Variants in MAP4K3 observed in about 807,000 individuals in gnomAD.
MAP4K3 encodes MAPK/ERK kinase kinase kinase 3.
A neutral mutation model predicts 143.5 loss-of-function variants in MAP4K3; 94 were observed. The observed-to-expected ratio is 0.65, with a 90% CI of 0.55 to 0.78. The LOEUF (loss-of-function observed/expected upper bound fraction) is 0.78. Ranked by LOEUF, MAP4K3 falls within the 30% of genes least tolerant of loss-of-function variation. The pLI is 0.00. For synonymous variants in MAP4K3, 416 were observed against 347.2 expected, an observed-to-expected ratio of 1.20 and a Z score of -2.20; for missense variants, 1,077 against 1,068.1, an observed-to-expected ratio of 1.01 and a Z score of -0.12.
intron 1 of MAP4K3, among the ~76,000 whole-genome samples, chr2:39,433,469 A>G (rs1311566395): frequency 1.3e-5 from 2 of 152,218 alleles, no homozygotes; most frequent in African/African-American, 4.8e-5. Context: ...ACTGCCTGAC[A>G]AAAGATGGCA....
Position 39,272,369 on chromosome 2 carries a change from T to G in MAP4K3, c.1887A>C (p.Leu629Phe), listed in dbSNP as rs1490121712. ...GTCTTGCATAATCAAAAAGCCCTGG[T>G]AAATTATGGGAATAAAGCTGAGAAG... ...GKASQLYSHN[L>F]PGLFDYARQM... Residue 629 changes from leucine to phenylalanine, a missense_variant, in exon 26 of 34, where the codon TTA becomes TTC. This residue lies in a region of MAP4K3 where 864 missense variants were observed against 801.2 expected (regional missense o/e 1.08). Transcript: ENST00000263881. 2 of 1,613,648 alleles carry G rather than the reference T, an allele frequency of 1.2e-6. No individual in the cohort carries two copies. The highest frequency in any genetic ancestry group is 1.7e-5 in the Admixed American group (1 of 59,992).
At chr2:39,314,722 G>T (rs995896721) in intron 13 of MAP4K3, among the ~76,000 whole-genome samples, 2 of 152,196 alleles carry the variant, frequency 1.3e-5, no homozygotes, top group African/African-American at 4.8e-5. Context: ...TGAATGAATG[G>T]CTTGTCTTAG....
chr2:39,321,393 G>T (rs1352261371), intron 12 of MAP4K3, among the ~76,000 whole-genome samples: 1 of 152,234 alleles, frequency 6.6e-6, no homozygotes, highest in Non-Finnish European at 1.5e-5. Context: ...CTTGAAGGCA[G>T]CATGCTCCTT....
At chr2:39,340,029 A>C (rs1285268553) in intron 4 of MAP4K3, among the ~76,000 whole-genome samples, 1 of 149,260 alleles carries the variant, frequency 6.7e-6, no homozygotes, top group Non-Finnish European at 1.5e-5. Flanking sequence ...AAAATAGAAA[A>C]AAATCCTATT....
At chr2:39,311,727 T>C (rs182077436) in intron 13 of MAP4K3, among the ~76,000 whole-genome samples, 2 of 152,358 alleles carry the variant, frequency 1.3e-5, no homozygotes, top group South Asian at 2.1e-4. Context: ...CAGTCAAACA[T>C]TCAGATGACT....
chr2:39,381,965 T>C (rs1040985583), intron 1 of MAP4K3, among the ~76,000 whole-genome samples: 2 of 152,178 alleles, frequency 1.3e-5, no homozygotes, highest in African/African-American at 4.8e-5. Flanking sequence ...CCATAGGTTC[T>C]GGGTAACCTT....
chr2:39,385,669 G>A (rs903014745), intron 1 of MAP4K3, among the ~76,000 whole-genome samples: 39 of 138,996 alleles, frequency 2.8e-4, no homozygotes, highest in South Asian at 1.6e-3. Context: ...CACTCTTATC[G>A]CCCAGGCTAG....
intron 1 of MAP4K3, among the ~76,000 whole-genome samples, chr2:39,412,887 C>G (rs1009514049): frequency 2.0e-5 from 3 of 151,938 alleles, no homozygotes; most frequent in African/African-American, 7.3e-5. Flanking sequence ...ATCTGGCAAT[C>G]AAGAGGCTAA....
intron 1 of MAP4K3, among the ~76,000 whole-genome samples, chr2:39,420,661 C>A (rs1359997790): frequency 6.6e-6 from 1 of 151,994 alleles, no homozygotes; most frequent in African/African-American, 2.4e-5. Flanking sequence ...AATCCTCCCA[C>A]CTCAGCATCC....
At position 39,251,691 on chromosome 2, in the gene MAP4K3, C is replaced by T. The variant is rs141202866; in HGVS notation, c.2597+139G>A. 555 of 665,816 alleles carry T rather than the reference C, an allele frequency of 8.3e-4. 7 individuals carry two copies. In the African/African-American group the frequency reaches 8.4e-3, roughly 10 times the overall value. The allele number at this position is 665,816 out of a possible 1,614,324, so 41.2% of individuals were successfully genotyped here. On this transcript the variant is annotated intron_variant, in intron 33 of 33. Transcript: ENST00000263881. ...CATTTTCAAAGGCTAACTTTCTGAC[C>T]TGTGAATTCTTATAGTGTGAAAAAT...
chr2:39,345,209 T>C (rs1024894133), intron 3 of MAP4K3, among the ~76,000 whole-genome samples: 1 of 140,404 alleles, frequency 7.1e-6, no homozygotes, highest in African/African-American at 2.7e-5. Flanking sequence ...TCTCATCTCT[T>C]AAAAAACAAA....
chr2:39,432,343 C>T (rs1477622939), intron 1 of MAP4K3, among the ~76,000 whole-genome samples: 1 of 152,178 alleles, frequency 6.6e-6, no homozygotes, highest in Non-Finnish European at 1.5e-5. Context: ...GTTTGTTTTT[C>T]AAACACTCTA....
At position 39,397,666 on chromosome 2, in the gene MAP4K3, C is replaced by G. The variant is rs963523430; in HGVS notation, c.97-19543G>C. Among the ~76,000 whole-genome samples the G allele has an allele frequency of 2.6e-5, 4 of 152,234 alleles. No individual in the cohort carries two copies. The South Asian group carries it at 6.2e-4, about 24-fold the overall frequency. On this transcript the variant is annotated intron_variant, in intron 1 of 33. Coordinates refer to ENST00000263881, the MANE Select transcript of MAP4K3 (RefSeq NM_003618.4). ...ACAAGCAGTAATTGCCAGGAAAACT[C>G]TGAAAATGAAGAGCAATGAGAAAAC...
chr2:39,432,265 T>C (rs1267127812), intron 1 of MAP4K3, among the ~76,000 whole-genome samples: 1 of 152,232 alleles, frequency 6.6e-6, no homozygotes, highest in Non-Finnish European at 1.5e-5. Context: ...TAAATACATA[T>C]ACAGATCAAA....
intron 1 of MAP4K3, among the ~76,000 whole-genome samples, chr2:39,422,635 C>T (rs1667578782): frequency 6.6e-6 from 1 of 152,150 alleles, no homozygotes; most frequent in Non-Finnish European, 1.5e-5. Flanking sequence ...TAATCTTTCA[C>T]AAAGAAGCAA....
chr2:39,330,249 G>A (rs554682588), intron 8 of MAP4K3, among the ~76,000 whole-genome samples: 1 of 152,008 alleles, frequency 6.6e-6, no homozygotes, highest in Admixed American at 6.6e-5. Context: ...AAAACACCAG[G>A]AATGATTCTA....
chr2:39,388,228 C>CA (rs1405133690), intron 1 of MAP4K3, among the ~76,000 whole-genome samples: 1 of 152,140 alleles, frequency 6.6e-6, no homozygotes, highest in African/African-American at 2.4e-5. Context: ...ATTTCTAGCC[C>CA]AAAGGTGCTC....
chr2:39,417,871 G>A (rs1407839932), intron 1 of MAP4K3, among the ~76,000 whole-genome samples: 1 of 152,038 alleles, frequency 6.6e-6, no homozygotes, highest in Non-Finnish European at 1.5e-5. Context: ...TACAAGATGA[G>A]CCTAAAGCAT....
chr2:39,354,890 T>A (rs1226708620), intron 3 of MAP4K3, among the ~76,000 whole-genome samples: 1 of 152,162 alleles, frequency 6.6e-6, no homozygotes, highest in African/African-American at 2.4e-5. Context: ...GAACCTGCAA[T>A]AAGTTACAGT....
Sources: allele counts gnomAD v4.1 joint callset (sites outside exome capture counted in the v4.1 genomes callset), GRCh38; gene constraint gnomAD v4.1.1; regional missense constraint gnomAD v4.1.1; transcripts MANE v1.5; gene names NCBI Gene and HGNC (gene_info 2026-07-23, HGNC 2026-07-21).